The following SLFN12L variants were observed in gnomAD, a reference collection of about 807,000 sequenced individuals.
The protein encoded by SLFN12L is schlafen family member 12-like.
In SLFN12L, 34 loss-of-function variants were observed where a neutral mutation model predicts 34.8. That is an observed-to-expected ratio of 0.98 (90% CI 0.74 to 1.30). The LOEUF is 1.30. SLFN12L is among the 50% of genes most tolerant of loss of function. The pLI is 0.00. For synonymous variants in SLFN12L, 259 were observed against 247.5 expected (o/e 1.05, Z -0.44); for missense variants, 703 against 696.2 (o/e 1.01, Z -0.11).
chr17:35,519,666 C>T (rs1915941625), intron 2 of SLFN12L, among the ~76,000 whole-genome samples: 1 of 152,154 alleles, frequency 6.6e-6, no homozygotes. Flanking sequence ...TACGGTGGAT[C>T]AACCTGGCAA....
intron 2 of SLFN12L, among the ~76,000 whole-genome samples, chr17:35,493,592 T>C (rs1176080967): frequency 6.6e-6 from 1 of 152,252 alleles, no homozygotes; most frequent in Non-Finnish European, 1.5e-5. Flanking sequence ...TTAACTGGTG[T>C]ACATTAATTA....
At chr17:35,505,624 T>G (rs1239610933) in intron 2 of SLFN12L, among the ~76,000 whole-genome samples, 1 of 152,222 alleles carries the variant, frequency 6.6e-6, no homozygotes, top group Non-Finnish European at 1.5e-5. Context: ...GAAAGCCCAG[T>G]TGAACATAAC....
intron 2 of SLFN12L, among the ~76,000 whole-genome samples, chr17:35,495,098 C>T (rs950064878): frequency 6.6e-6 from 1 of 151,952 alleles, no homozygotes; most frequent in African/African-American, 2.4e-5. Context: ...GGGGGTTTTG[C>T]TATGTTGCCC....
Position 35,469,297 on chromosome 17 carries a change from TATATAAA to T in SLFN12L, c.*5619_*5625del, listed in dbSNP as rs1473408311. Reference sequence around the variant, plus strand: ...GGACCTGTTTTATATAAAATATATATATATAAAATATATATATATTATATATATAAAT... The same window carrying T: ...GGACCTGTTTTATATAAAATATATATATATATATATATTATATATATAAAT... On this transcript the variant is annotated 3_prime_UTR_variant, in exon 5 of 5. Coordinates refer to ENST00000628453, the MANE Select transcript of SLFN12L (RefSeq NM_001363830.2). 7.2e-6 allele frequency among the ~76,000 whole-genome samples: 1 copy of T among 138,250 alleles called. No homozygotes were observed. Among genetic ancestry groups the T allele is most frequent in the Non-Finnish European group, 1.5e-5 (1 of 65,810 alleles). 90.7% of individuals were successfully genotyped at this position (138,250 alleles called of 152,430 possible).
intron 3 of SLFN12L, 54 bp downstream of exon 3, chr17:35,479,063 C>A: frequency 5.2e-6 from 7 of 1,355,672 alleles, no homozygotes; most frequent in Non-Finnish European, 7.0e-6. Context: ...TACAATAAAA[C>A]CTTCCTGCCA....
At position 35,467,473 on chromosome 17, in the gene SLFN12L, T is replaced by G. The variant is rs188832308; in HGVS notation, c.*7450A>C. On this transcript the variant is annotated 3_prime_UTR_variant, in exon 5 of 5. Coordinates refer to ENST00000628453, the MANE Select transcript of SLFN12L (RefSeq NM_001363830.2). ...AATAACCAAGGCACACATTTCACAT[T>G]GCAAAATACACACTGAATGGGCTCC... Among the ~76,000 whole-genome samples, 153 of 152,312 alleles carry G rather than the reference T, an allele frequency of 1.0e-3. No individual in the cohort carries two copies. Among genetic ancestry groups the G allele is most frequent in the African/African-American group, 3.5e-3 (146 of 41,552 alleles).
chr17:35,484,011 A>T (rs1467572882), intron 2 of SLFN12L, among the ~76,000 whole-genome samples: 1 of 152,206 alleles, frequency 6.6e-6, no homozygotes, highest in Non-Finnish European at 1.5e-5. Flanking sequence ...AGGAAAAAGA[A>T]CCGTCTATTC....
At chr17:35,496,070 C>T (rs184599788) in intron 2 of SLFN12L, among the ~76,000 whole-genome samples, 4 of 152,142 alleles carry the variant, frequency 2.6e-5, no homozygotes, top group East Asian at 1.9e-4. Context: ...GTCGTCCCCA[C>T]CCCCGGAACG....
At chr17:35,497,346 G>A (rs1248694265) in intron 2 of SLFN12L, among the ~76,000 whole-genome samples, 2 of 151,854 alleles carry the variant, frequency 1.3e-5, no homozygotes, top group African/African-American at 2.4e-5. Context: ...AGCCGAGATC[G>A]TATCACTGCA....
chr17:35,535,981 T>G (rs2072458157), intron 1 of SLFN12L, among the ~76,000 whole-genome samples: 2 of 151,532 alleles, frequency 1.3e-5, no homozygotes, highest in African/African-American at 4.9e-5. Flanking sequence ...GTTTGTTTGT[T>G]TGTTTGTTTG....
chr17:35,487,769 C>T, intron 2 of SLFN12L: 1 of 1,535,550 alleles, frequency 6.5e-7, no homozygotes, highest in Non-Finnish European at 8.7e-7. Flanking sequence ...AGTAGGGGGA[C>T]CTGAGTTCTT....
rs142712023 is a variant in SLFN12L, at chr17:35,480,011, A to T, written c.271T>A (p.Cys91Ser). The part of the protein sequence containing the change: ...QQNENVSRAV[C>S]ALLNSGGGVI... ...CCCCCTCCAGAATTCAGCAGAGCAC[A>T]CACAGCTCGTGAGACATTTTCATTC... The change falls in exon 3 of 5, where the codon TGT becomes AGT. Residue 91 changes from cysteine to serine, a missense_variant. Physicochemically the swap from Cys to Ser is moderately radical, Grantham distance 112. Coordinates refer to ENST00000628453, the MANE Select transcript of SLFN12L (RefSeq NM_001363830.2). 6.5e-4 allele frequency: 1,051 copies of T among 1,614,168 alleles called. 6 individuals carry two copies. The African/African-American group carries it at 0.012, about 18-fold the overall frequency.
At chr17:35,484,015 T>A (rs901729657) in intron 2 of SLFN12L, among the ~76,000 whole-genome samples, 5 of 152,146 alleles carry the variant, frequency 3.3e-5, no homozygotes, top group Non-Finnish European at 5.9e-5. Context: ...AAAAGAACCG[T>A]CTATTCCATA....
At position 35,471,502 on chromosome 17, in the gene SLFN12L, G is replaced by T. The variant is rs1913808240; in HGVS notation, c.*3421C>A. On this transcript the variant is annotated 3_prime_UTR_variant, in exon 5 of 5. Transcript: ENST00000628453. ...GTATATACCCAGTAATGGGATTCCTGGGTCAAATGGTATTTCTGGTTCTAG... is the reference window on the plus strand; with the variant it reads ...GTATATACCCAGTAATGGGATTCCTTGGTCAAATGGTATTTCTGGTTCTAG... 6.6e-6 allele frequency among the ~76,000 whole-genome samples: 1 copy of T among 152,102 alleles called. No homozygotes were observed. Among genetic ancestry groups the T allele is most frequent in the South Asian group, 2.1e-4 (1 of 4,814 alleles).
intron 2 of SLFN12L, among the ~76,000 whole-genome samples, chr17:35,520,862 A>G (rs1215823820): frequency 2.0e-5 from 3 of 152,150 alleles, no homozygotes; most frequent in Admixed American, 1.3e-4. Context: ...ATCTCCTCCT[A>G]TAACCTGCTG....
At chr17:35,517,709 C>G (rs904058441) in intron 2 of SLFN12L, among the ~76,000 whole-genome samples, 1 of 152,152 alleles carries the variant, frequency 6.6e-6, no homozygotes, top group African/African-American at 2.4e-5. Flanking sequence ...ATACATCAAC[C>G]AATGAAACAG....
intron 2 of SLFN12L, among the ~76,000 whole-genome samples, chr17:35,505,124 G>T (rs1350001141): frequency 6.6e-6 from 1 of 152,100 alleles, no homozygotes; most frequent in African/African-American, 2.4e-5. Flanking sequence ...TCAATATTTC[G>T]GTGGGTGACA....
intron 2 of SLFN12L, among the ~76,000 whole-genome samples, chr17:35,506,438 G>A (rs1234874008): frequency 6.6e-6 from 1 of 152,170 alleles, no homozygotes; most frequent in Non-Finnish European, 1.5e-5. Context: ...TCCTGTACCA[G>A]TGGTCAGTGT....
intron 2 of SLFN12L, among the ~76,000 whole-genome samples, chr17:35,521,262 T>C (rs1484390575): frequency 6.6e-6 from 1 of 151,572 alleles, no homozygotes; most frequent in East Asian, 1.9e-4. Context: ...ACAAGCAGAG[T>C]AGGAGAAAAC....
Sources: gnomAD v4.1 joint callset for allele counts (sites outside exome capture counted in the v4.1 genomes callset) on GRCh38, gnomAD v4.1.1 for gene constraint, MANE v1.5 for transcripts, NCBI Gene and HGNC (gene_info 2026-07-23, HGNC 2026-07-21) for gene names.